MTPAP: variants seen among roughly 807,000 people sequenced by gnomAD.
The protein encoded by MTPAP is mitochondrial poly(A) polymerase, also known as poly(A) RNA polymerase, mitochondrial.
Under a neutral mutation model 48.7 loss-of-function variants are expected in MTPAP, and 23 were observed. That is an observed-to-expected ratio of 0.47 (90% CI 0.34 to 0.67). The LOEUF (loss-of-function observed/expected upper bound fraction) is 0.67, where lower values mean the gene tolerates loss of function less well. Ranked by LOEUF, MTPAP falls within the 30% of genes least tolerant of loss-of-function variation. The pLI, the probability that MTPAP is intolerant of heterozygous loss-of-function variation, is 0.01. For missense variants in MTPAP, 614 were observed against 694.3 expected, an observed-to-expected ratio of 0.88 and a Z score of 1.30; for synonymous variants, 257 against 254.1, an observed-to-expected ratio of 1.01 and a Z score of -0.11.
At chr10:30,340,042 A>G in intron 3 of MTPAP, 184 bp downstream of exon 3, 1 of 619,192 alleles carries the variant, frequency 1.6e-6, no homozygotes, top group Non-Finnish European at 2.8e-6. Context: ...AGAAATAGAA[A>G]AAAACTTTCC....
chr10:30,344,984 G>A (rs1046408568), intron 1 of MTPAP, among the ~76,000 whole-genome samples: 3 of 152,184 alleles, frequency 2.0e-5, no homozygotes, highest in South Asian at 2.1e-4. Context: ...GATTACAAGC[G>A]TGAGCCATGG....
chr10:30,326,339 A>G, intron 5 of MTPAP, 85 bp downstream of exon 5: 2 of 1,257,426 alleles, frequency 1.6e-6, no homozygotes. Flanking sequence ...GTTTAAGATT[A>G]CAAAGCCACT....
chr10:30,315,821 TG>T, intron 8 of MTPAP, 141 bp downstream of exon 8: 1 of 949,712 alleles, frequency 1.1e-6, no homozygotes, highest in Non-Finnish European at 1.6e-6. Context: ...GTAACTTCTC[TG>T]GACATCAACC....
intron 4 of MTPAP, among the ~76,000 whole-genome samples, chr10:30,328,473 TTTATAAAGATG>T (rs1564520931): frequency 6.6e-6 from 1 of 152,220 alleles, no homozygotes; most frequent in African/African-American, 2.4e-5. Context: ...AATGAGCCAA[TTTATAAAGATG>T]TTCACTCACT....
rs1834805866 is a variant in MTPAP, at chr10:30,341,488, G to A, written c.310C>T (p.His104Tyr). 1 of 1,613,254 alleles carries A rather than the reference G, an allele frequency of 6.2e-7. No individual in the cohort carries two copies. The highest frequency in any genetic ancestry group is 1.3e-5 in the African/African-American group (1 of 74,878). ...YLSQFGPINNHFFYESFGLYA... is the reference protein window; with the variant it reads ...YLSQFGPINNYFFYESFGLYA... The stretch of plus-strand genomic sequence containing the variant: ...CTTACAAAGCTTTCATAGAAGAAAT[G>A]ATTATTAATAGGTCCAAATTGGGAT... The change falls in exon 2 of 9, where the codon CAT becomes TAT. Residue 104 changes from histidine to tyrosine, a missense_variant. By Grantham distance (83) the His-to-Tyr change is moderately conservative. Coordinates refer to ENST00000263063, the MANE Select transcript of MTPAP (RefSeq NM_018109.4).
chr10:30,316,037 C>T lies in MTPAP; in HGVS notation c.1313-1G>A. On this transcript the variant is annotated splice_acceptor_variant, in intron 7 of 8. Coordinates refer to ENST00000263063, the MANE Select transcript of MTPAP (RefSeq NM_018109.4). LOFTEE classifies it high-confidence loss of function. ...TCAAAAAATTCCTTCAGTAGTAATT[C>T]TGTAAGAAAATAAAACAAGGACAAT... 6.2e-7 allele frequency: 1 copy of T among 1,611,732 alleles called. No homozygotes were observed. Among genetic ancestry groups the T allele is most frequent in the Non-Finnish European group, 8.5e-7 (1 of 1,178,330 alleles).
chr10:30,328,489 C>T lies in MTPAP; in HGVS notation c.781-1854G>A, dbSNP rs1245578744. Among the ~76,000 whole-genome samples, 18 of 152,324 alleles carry T rather than the reference C, an allele frequency of 1.2e-4. No individual in the cohort carries two copies. The East Asian group carries it at 2.7e-3, about 23-fold the overall frequency. On this transcript the variant is annotated intron_variant, in intron 4 of 8. Coordinates refer to ENST00000263063, the MANE Select transcript of MTPAP (RefSeq NM_018109.4). The stretch of plus-strand genomic sequence containing the variant: ...ATGAGCCAATTTATAAAGATGTTCA[C>T]TCACTGCAGTACTATCCATGTGGTA...
chr10:30,326,500 A>G lies in MTPAP; in HGVS notation c.916T>C (p.Leu306=), dbSNP rs191209359. 1.2e-4 allele frequency: 189 copies of G among 1,614,204 alleles called. No individual in the cohort carries two copies. Among genetic ancestry groups the G allele is most frequent in the Admixed American group, 2.5e-4 (15 of 60,022 alleles). Residue 306 remains leucine, a synonymous_variant, in exon 5 of 9, where the codon TTA becomes CTA. Transcript: ENST00000263063. ...CTCACGAGCGGACACCGGGCATTTA[A>G]TATTTTTTGCACACCCACACAGCCA... ...GPGCVGVQKI[L]NARCPLVRFS... is the part of the protein sequence containing the mutation.
intron 4 of MTPAP, among the ~76,000 whole-genome samples, chr10:30,328,883 G>A (rs1238834254): frequency 2.6e-5 from 4 of 152,112 alleles, no homozygotes; most frequent in Admixed American, 2.6e-4. Context: ...CAGAGAGAGA[G>A]AGCAATAAAT....
Position 30,322,282 on chromosome 10 carries a change from C to T in MTPAP, c.1219+109G>A, listed in dbSNP as rs1431983905. 3.0e-6 allele frequency: 3 copies of T among 1,015,222 alleles called. No individual in the cohort carries two copies. The East Asian group carries it at 7.6e-5, about 26-fold the overall frequency. The allele number at this position is 1,015,222 out of a possible 1,614,324, so 62.9% of individuals were successfully genotyped here. On this transcript the variant is annotated intron_variant, in intron 6 of 8. Coordinates refer to ENST00000263063, the MANE Select transcript of MTPAP (RefSeq NM_018109.4). ...GGTAGACTTTAAAAAAAAGTCAAGA[C>T]AAATTTTATGACTAATAAACAAATA...
At position 30,312,038 on chromosome 10, in the gene MTPAP, G is replaced by C. The variant is rs1156925104; in HGVS notation, c.*1571C>G. 1 of 152,316 alleles carries C rather than the reference G, an allele frequency of 6.6e-6. No homozygotes were observed. The highest frequency in any genetic ancestry group is 2.4e-5 in the African/African-American group (1 of 41,434). 9.4% of individuals were successfully genotyped at this position (152,316 alleles called of 1,614,324 possible). A position where few individuals can be genotyped will look rare whatever the true frequency, so the allele number is the denominator to read the frequency against. On this transcript the variant is annotated 3_prime_UTR_variant, in exon 9 of 9. Transcript: ENST00000263063. ...GGTGGGCGCCTGTAATCCCAGCTGA[G>C]GCAGGAGAATCACTTGAATCCGGGA...
At position 30,326,448 on chromosome 10, in the gene MTPAP, T is replaced by C. The variant is rs1445608314; in HGVS notation, c.968A>G (p.Gln323Arg). The change falls in exon 5 of 9, where the codon CAG becomes CGG. Residue 323 changes from glutamine to arginine, a missense_variant. Gln to Arg is a conservative substitution (Grantham distance 43, BLOSUM62 1). Around this residue, in one of 5 missense-constraint regions of MTPAP, gnomAD observed 261 missense variants for 355.4 expected, o/e 0.73. Transcript: ENST00000263063. ...CCTATTGTTCGTAGTCAAATCACAC[T>C]GAAATCCGGAGGCCTGGTGTGAGAA... ...VRFSHQASGF[Q>R]CDLTTNNRIA... The C allele has an allele frequency of 3.1e-6, 5 of 1,614,028 alleles. No individual in the cohort carries two copies. Among genetic ancestry groups the C allele is most frequent in the Non-Finnish European group, 4.2e-6 (5 of 1,180,006 alleles).
At chr10:30,320,344 G>A (rs924828164) in intron 6 of MTPAP, among the ~76,000 whole-genome samples, 1 of 152,080 alleles carries the variant, frequency 6.6e-6, no homozygotes, top group African/African-American at 2.4e-5. Flanking sequence ...GGGAAACATG[G>A]CGAGACCCCG....
intron 8 of MTPAP, among the ~76,000 whole-genome samples, chr10:30,314,832 A>AGTGAGCCAAGATCATGCCC (rs1840640403): frequency 6.9e-6 from 1 of 145,794 alleles, no homozygotes; most frequent in African/African-American, 2.5e-5. Flanking sequence ...AGATCATGCC[A>AGTGAGCCAAGATCATGCCC]CTGCACTCCA....
intron 3 of MTPAP, among the ~76,000 whole-genome samples, chr10:30,339,727 A>G (rs570815879): frequency 2.0e-5 from 3 of 152,300 alleles, no homozygotes; most frequent in African/African-American, 7.2e-5. Flanking sequence ...TTTAAAAGCA[A>G]TCCCATTTAT....
At chr10:30,342,539 T>A (rs1439671795) in intron 1 of MTPAP, among the ~76,000 whole-genome samples, 4 of 44,614 alleles carry the variant, frequency 9.0e-5, no homozygotes, top group African/African-American at 2.9e-4. Flanking sequence ...AAAACGGAGT[T>A]CCACAAAAAA....
intron 1 of MTPAP, among the ~76,000 whole-genome samples, chr10:30,348,625 A>T (rs1046179213): frequency 2.0e-5 from 3 of 152,204 alleles, no homozygotes; most frequent in Non-Finnish European, 4.4e-5. Flanking sequence ...AAATGGCCAA[A>T]AAGAATAAAG....
intron 4 of MTPAP, among the ~76,000 whole-genome samples, chr10:30,327,743 G>A (rs1207717084): frequency 6.6e-6 from 1 of 151,732 alleles, no homozygotes; most frequent in Non-Finnish European, 1.5e-5. Context: ...CTACTTGGGA[G>A]GCTGAGGCAA....
intron 6 of MTPAP, among the ~76,000 whole-genome samples, chr10:30,316,493 T>C (rs1188307592): frequency 2.0e-5 from 3 of 149,336 alleles, no homozygotes; most frequent in African/African-American, 7.4e-5. Context: ...TCCACCCACC[T>C]CATCCTCCCA....
Sources: gnomAD v4.1 joint callset for allele counts (sites outside exome capture counted in the v4.1 genomes callset) on GRCh38, gnomAD v4.1.1 for gene constraint, gnomAD v4.1.1 regional missense constraint, MANE v1.5 for transcripts, NCBI Gene and HGNC (gene_info 2026-07-23, HGNC 2026-07-21) for gene names.